The following LGSN variants were observed in gnomAD, a reference collection of about 807,000 sequenced individuals.
LGSN encodes the protein lengsin.
In LGSN, 21 loss-of-function variants were observed where a neutral mutation model predicts 19.5. The ratio of observed to expected loss-of-function variants is 1.07; its 90% CI spans 0.76 to 1.55. The LOEUF is 1.55. Among genes scored for constraint, LGSN ranks in the 40% most tolerant of loss-of-function variants. LGSN has a pLI of 0.00. For synonymous variants in LGSN, 257 were observed against 215.6 expected (o/e 1.19, Z -1.68); for missense variants, 673 against 608.5 (o/e 1.11, Z -1.12).
At chr6:63,296,376 A>G (rs1312047848) in intron 1 of LGSN, among the ~76,000 whole-genome samples, 1 of 151,772 alleles carries the variant, frequency 6.6e-6, no homozygotes, top group African/African-American at 2.4e-5. Context: ...CTTCTGATAG[A>G]ATCTGGCAGA....
At chr6:63,411,880 G>C in the LGSN span, among the ~76,000 whole-genome samples, 1 of 151,926 alleles carries the variant, frequency 6.6e-6, no homozygotes, top group African/African-American at 2.4e-5. Flanking sequence ...AAATACTTAA[G>C]CACTATCAAA....
the LGSN span, among the ~76,000 whole-genome samples, chr6:63,485,566 C>A: frequency 6.6e-6 from 1 of 152,038 alleles, no homozygotes; most frequent in Non-Finnish European, 1.5e-5. Flanking sequence ...GGTATTGCTG[C>A]GCCAAATTAT....
chr6:63,489,130 A>C, the LGSN span, among the ~76,000 whole-genome samples: 12 of 152,354 alleles, frequency 7.9e-5, no homozygotes, highest in Admixed American at 7.2e-4. Flanking sequence ...TTTAAAATAT[A>C]ACCATTTTAG....
intron 1 of LGSN, among the ~76,000 whole-genome samples, chr6:63,298,064 T>C (rs1269025116): frequency 1.3e-5 from 2 of 152,216 alleles, no homozygotes; most frequent in Non-Finnish European, 2.9e-5. Flanking sequence ...GCCTGACTCT[T>C]GAATTGTTCT....
At chr6:63,494,241 C>T in the LGSN span, among the ~76,000 whole-genome samples, 6 of 152,130 alleles carry the variant, frequency 3.9e-5, no homozygotes, top group Admixed American at 6.6e-5. Context: ...TGAACCACCA[C>T]GCCCAGCCAG....
chr6:63,343,484 C>T, the LGSN span, among the ~76,000 whole-genome samples: 1 of 152,190 alleles, frequency 6.6e-6, no homozygotes, highest in Non-Finnish European at 1.5e-5. Flanking sequence ...CCCTTAGTTG[C>T]TTCCCTGTCA....
chr6:63,284,972 G>C (rs1163917572), intron 3 of LGSN, among the ~76,000 whole-genome samples: 2 of 152,038 alleles, frequency 1.3e-5, no homozygotes, highest in African/African-American at 4.8e-5. Flanking sequence ...TAAGAAATTT[G>C]ATATTTAATT....
chr6:63,329,172 T>C, the LGSN span, among the ~76,000 whole-genome samples: 1 of 152,212 alleles, frequency 6.6e-6, no homozygotes, highest in African/African-American at 2.4e-5. Context: ...GTGCCTGGAC[T>C]TGAGAAGTAG....
the LGSN span, among the ~76,000 whole-genome samples, chr6:63,550,641 T>A: frequency 3.3e-5 from 5 of 152,268 alleles, no homozygotes; most frequent in East Asian, 9.7e-4. Flanking sequence ...GGTTTTTGAA[T>A]TGAGACAGGG....
chr6:63,421,444 T>A, the LGSN span, among the ~76,000 whole-genome samples: 3 of 136,198 alleles, frequency 2.2e-5, no homozygotes, highest in Non-Finnish European at 4.7e-5. Context: ...AATTATTCAG[T>A]CGGGGCCAGG....
At chr6:63,427,336 G>C in the LGSN span, among the ~76,000 whole-genome samples, 58 of 152,164 alleles carry the variant, frequency 3.8e-4, no homozygotes, top group East Asian at 0.011. Flanking sequence ...AAGCCCCCAT[G>C]CCCGGCCTCC....
At chr6:63,424,758 A>AAAAATTAGTCAGGC in the LGSN span, among the ~76,000 whole-genome samples, 3 of 152,088 alleles carry the variant, frequency 2.0e-5, no homozygotes, top group Non-Finnish European at 4.4e-5. Flanking sequence ...CAAAAAGTTT[A>AAAAATTAGTCAGGC]AAAATTAGTC....
At chr6:63,338,359 T>C in the LGSN span, among the ~76,000 whole-genome samples, 1 of 152,218 alleles carries the variant, frequency 6.6e-6, no homozygotes, top group Non-Finnish European at 1.5e-5. Context: ...ATAGCACCTG[T>C]CTGCTCTTCA....
chr6:63,500,474 T>A, the LGSN span, among the ~76,000 whole-genome samples: 7 of 152,032 alleles, frequency 4.6e-5, no homozygotes, highest in African/African-American at 1.7e-4. Context: ...CAGGCTGGAG[T>A]GCAATGGTGT....
In LGSN at chr6:63,279,119, C is replaced by T. The variant is rs2127379373; in HGVS notation, c.*902G>A. 6.6e-6 allele frequency: 1 copy of T among 152,322 alleles called. No individual in the cohort carries two copies. The highest frequency in any genetic ancestry group is 2.1e-4 in the South Asian group (1 of 4,832). 9.4% of individuals were successfully genotyped at this position (152,322 alleles called of 1,614,324 possible). A position where few individuals can be genotyped will look rare whatever the true frequency, so the allele number is the denominator to read the frequency against. Reference sequence around the variant, plus strand: ...GCAGCAGATTCAGTAATTTGAATAACAAACTTAAACTCCAAACATAGCCCT... The same window carrying T: ...GCAGCAGATTCAGTAATTTGAATAATAAACTTAAACTCCAAACATAGCCCT... On this transcript the variant is annotated 3_prime_UTR_variant, in exon 4 of 4. Coordinates refer to ENST00000370657, the MANE Select transcript of LGSN (RefSeq NM_016571.3).
At chr6:63,356,207 G>A in the LGSN span, among the ~76,000 whole-genome samples, 1 of 152,008 alleles carries the variant, frequency 6.6e-6, no homozygotes, top group Non-Finnish European at 1.5e-5. Flanking sequence ...ATCGTTTTGG[G>A]GAAAAACAAT....
chr6:63,567,061 A>T, the LGSN span, among the ~76,000 whole-genome samples: 2 of 152,130 alleles, frequency 1.3e-5, no homozygotes, highest in African/African-American at 4.8e-5. Context: ...TCTAACTCCA[A>T]TTGTCTTGCT....
chr6:63,357,247 G>C, the LGSN span, among the ~76,000 whole-genome samples: 1 of 152,060 alleles, frequency 6.6e-6, no homozygotes, highest in Non-Finnish European at 1.5e-5. Flanking sequence ...GGACATTTGG[G>C]CTGGTTCCAA....
At chr6:63,531,512 CTTTTTTT>C in the LGSN span, among the ~76,000 whole-genome samples, 1 of 128,538 alleles carries the variant, frequency 7.8e-6, no homozygotes, top group South Asian at 2.5e-4. Context: ...ATCTATTATG[CTTTTTTT>C]TTTTTTTTTT....
Sources: allele counts gnomAD v4.1 joint callset (sites outside exome capture counted in the v4.1 genomes callset), GRCh38; gene constraint gnomAD v4.1.1; transcripts MANE v1.5; gene names NCBI Gene and HGNC (gene_info 2026-07-23, HGNC 2026-07-21).